GAS2: variants seen among roughly 807,000 people sequenced by gnomAD.
The protein encoded by GAS2 is growth arrest-specific protein 2.
Under a neutral mutation model 37.5 loss-of-function variants are expected in GAS2, and 20 were observed. The ratio of observed to expected loss-of-function variants is 0.53; its 90% CI spans 0.37 to 0.77. The LOEUF (loss-of-function observed/expected upper bound fraction) is 0.77. GAS2 is among the 30% of genes least tolerant of loss of function. The pLI is 0.00. For missense variants in GAS2, 336 were observed against 373.4 expected, an observed-to-expected ratio of 0.90 and a Z score of 0.82; for synonymous variants, 144 against 132.2, an observed-to-expected ratio of 1.09 and a Z score of -0.61.
chr11:22,660,228 C>G (rs887090651), intron 1 of GAS2, among the ~76,000 whole-genome samples: 8 of 152,034 alleles, frequency 5.3e-5, no homozygotes, highest in Admixed American at 3.9e-4. Flanking sequence ...AACCATGAAG[C>G]CACTGGATGT....
At chr11:22,762,462 G>C (rs1854444656) in intron 7 of GAS2, among the ~76,000 whole-genome samples, 1 of 152,098 alleles carries the variant, frequency 6.6e-6, no homozygotes, top group Non-Finnish European at 1.5e-5. Flanking sequence ...TCAAAGCCGT[G>C]ACTTGCCAAA....
At chr11:22,749,876 G>A (rs902318038) in intron 6 of GAS2, among the ~76,000 whole-genome samples, 9 of 151,978 alleles carry the variant, frequency 5.9e-5, no homozygotes, top group African/African-American at 4.8e-5. Context: ...ACAGTAAACC[G>A]TTTTTAGGTA....
At chr11:22,704,496 A>G (rs1053267829) in intron 3 of GAS2, among the ~76,000 whole-genome samples, 1 of 148,848 alleles carries the variant, frequency 6.7e-6, no homozygotes, top group African/African-American at 2.5e-5. Flanking sequence ...AGCTTCTACA[A>G]TTTTTACCAA....
At chr11:22,676,196 G>A (rs1565078702) in intron 2 of GAS2, among the ~76,000 whole-genome samples, 2 of 152,088 alleles carry the variant, frequency 1.3e-5, no homozygotes, top group Non-Finnish European at 2.9e-5. Context: ...CCTTCACAGT[G>A]CTATGGAAGT....
chr11:22,729,810 T>C (rs1852389727), intron 4 of GAS2, among the ~76,000 whole-genome samples: 1 of 151,724 alleles, frequency 6.6e-6, no homozygotes, highest in South Asian at 2.1e-4. Context: ...ATTATATAGT[T>C]AGTATTGGTA....
chr11:22,805,894 T>C (rs531961381), intron 7 of GAS2, among the ~76,000 whole-genome samples: 9 of 152,196 alleles, frequency 5.9e-5, no homozygotes, highest in Non-Finnish European at 8.8e-5. Flanking sequence ...GTCATGGCAC[T>C]GGTGGGAGTG....
intron 7 of GAS2, among the ~76,000 whole-genome samples, chr11:22,806,065 A>G (rs149911819): frequency 1.6e-3 from 247 of 152,252 alleles, no homozygotes; most frequent in Middle Eastern, 6.8e-3. Flanking sequence ...CCTGTGAAAT[A>G]TCTCATTCTA....
At position 22,717,017 on chromosome 11, in the gene GAS2, C is replaced by T. The variant is rs980319684; in HGVS notation, c.268-9275C>T. The stretch of plus-strand genomic sequence containing the variant: ...CATAGACAATGCAAGCAAATGGAAA[C>T]ACATCCCATGCTCATGGATGGGTAG... On this transcript the variant is annotated intron_variant, in intron 3 of 7. Coordinates refer to ENST00000454584, the MANE Select transcript of GAS2 (RefSeq NM_001143830.3). 2.0e-5 allele frequency among the ~76,000 whole-genome samples: 3 copies of T among 152,106 alleles called. No homozygotes were observed. In the East Asian group the frequency reaches 5.8e-4, roughly 29 times the overall value.
intron 6 of GAS2, among the ~76,000 whole-genome samples, chr11:22,754,602 T>G (rs1256148707): frequency 6.6e-6 from 1 of 151,584 alleles, no homozygotes; most frequent in East Asian, 1.9e-4. Context: ...TTTCAGGGTT[T>G]TTTTCCTTTT....
chr11:22,719,216 C>T (rs1037133963), intron 3 of GAS2, among the ~76,000 whole-genome samples: 8 of 151,996 alleles, frequency 5.3e-5, no homozygotes, highest in African/African-American at 1.9e-4. Flanking sequence ...TTATGTGATA[C>T]ATTGTTATTA....
chr11:22,688,125 T>C (rs1850056547), intron 3 of GAS2, among the ~76,000 whole-genome samples: 1 of 152,188 alleles, frequency 6.6e-6, no homozygotes, highest in African/African-American at 2.4e-5. Context: ...ATTAAGTGCA[T>C]TTTGCTTGGG....
chr11:22,699,304 C>G (rs757499161), intron 3 of GAS2, among the ~76,000 whole-genome samples: 1 of 152,144 alleles, frequency 6.6e-6, no homozygotes, highest in Non-Finnish European at 1.5e-5. Flanking sequence ...TCCTTCAAAT[C>G]TACAAAGGGA....
chr11:22,630,488 G>T (rs1338626750), intron 1 of GAS2, among the ~76,000 whole-genome samples: 1 of 152,148 alleles, frequency 6.6e-6, no homozygotes, highest in Non-Finnish European at 1.5e-5. Context: ...CACAGCAAAA[G>T]AAACTACCAT....
intron 3 of GAS2, among the ~76,000 whole-genome samples, chr11:22,716,150 G>A (rs993517454): frequency 2.0e-5 from 3 of 152,104 alleles, no homozygotes; most frequent in Admixed American, 6.6e-5. Context: ...ATCCCTTTAT[G>A]ATTAAACCAG....
rs144793756 is a variant in GAS2 at position 22,692,757 on chromosome 11, C to G, written c.267+6968C>G. 8.4e-3 allele frequency among the ~76,000 whole-genome samples: 1,282 copies of G among 152,244 alleles called. 16 individuals carry two copies. Among genetic ancestry groups the G allele is most frequent in the African/African-American group, 0.029 (1,224 of 41,548 alleles). On this transcript the variant is annotated intron_variant, in intron 3 of 7. Coordinates refer to ENST00000454584, the MANE Select transcript of GAS2 (RefSeq NM_001143830.3). ...ACCCAAGATATTTTCCTTTCACATACTCAATGGTAAAGTAGTGCTGGGCAC... is the reference window on the plus strand; with the variant it reads ...ACCCAAGATATTTTCCTTTCACATAGTCAATGGTAAAGTAGTGCTGGGCAC...
intron 3 of GAS2, among the ~76,000 whole-genome samples, chr11:22,689,205 C>T (rs543826073): frequency 2.4e-4 from 37 of 152,154 alleles, no homozygotes; most frequent in South Asian, 1.5e-3. Context: ...GTGATGAAAC[C>T]ATTTATATAC....
chr11:22,789,830 A>G (rs1198373457), intron 7 of GAS2, among the ~76,000 whole-genome samples: 2 of 152,076 alleles, frequency 1.3e-5, no homozygotes, highest in African/African-American at 2.4e-5. Context: ...CTCTATATAG[A>G]GAGATATACG....
At chr11:22,764,261 T>A (rs910579414) in intron 7 of GAS2, among the ~76,000 whole-genome samples, 16 of 152,220 alleles carry the variant, frequency 1.1e-4, no homozygotes, top group South Asian at 6.2e-4. Context: ...CCACTTTTTT[T>A]AAAAAAGCAA....
At chr11:22,789,449 TATATA>T (rs1856019475) in intron 7 of GAS2, among the ~76,000 whole-genome samples, 4 of 75,204 alleles carry the variant, frequency 5.3e-5, no homozygotes, top group African/African-American at 1.1e-4. Context: ...TATATATATA[TATATA>T]TTCTTTTTTT....
Sources: allele counts gnomAD v4.1 joint callset (sites outside exome capture counted in the v4.1 genomes callset), GRCh38; gene constraint gnomAD v4.1.1; transcripts MANE v1.5; gene names NCBI Gene and HGNC (gene_info 2026-07-23, HGNC 2026-07-21).